CHRM3: variants seen among roughly 807,000 people sequenced by gnomAD.
The protein encoded by CHRM3 is muscarinic acetylcholine receptor M3.
In CHRM3, 11 loss-of-function variants were observed where a neutral mutation model predicts 41.8. The ratio of observed to expected loss-of-function variants is 0.26; its 90% CI spans 0.17 to 0.44. The LOEUF is 0.44. Among genes scored for constraint, CHRM3 ranks in the 20% least tolerant of loss-of-function variants. The probability of loss-of-function intolerance (pLI) is 1.00; values close to 1 mark genes in which losing one functional copy is unlikely to be tolerated. For synonymous variants in CHRM3, 297 were observed against 301.4 expected, an observed-to-expected ratio of 0.99 and a Z score of 0.15; for missense variants, 571 against 745.4, an observed-to-expected ratio of 0.77 and a Z score of 2.72.
chr1:239,842,166 G>A (rs902624804), intron 6 of CHRM3, among the ~76,000 whole-genome samples: 5 of 150,952 alleles, frequency 3.3e-5, no homozygotes, highest in Admixed American at 3.3e-4. Context: ...TCATATCATG[G>A]AATTATAAAA....
intron 4 of CHRM3, among the ~76,000 whole-genome samples, chr1:239,637,453 T>A (rs1174773364): frequency 6.6e-6 from 1 of 151,000 alleles, no homozygotes; most frequent in Admixed American, 6.6e-5. Flanking sequence ...AATTCCTTGA[T>A]CAAATGGTAC....
chr1:239,780,850 G>A (rs539238297), intron 5 of CHRM3, among the ~76,000 whole-genome samples: 10 of 152,020 alleles, frequency 6.6e-5, no homozygotes, highest in Admixed American at 4.6e-4. Flanking sequence ...TATAGATGTC[G>A]AGTCGTTCCA....
chr1:239,772,178 G>A (rs778238403), intron 5 of CHRM3, among the ~76,000 whole-genome samples: 1 of 151,950 alleles, frequency 6.6e-6, no homozygotes, highest in Non-Finnish European at 1.5e-5. Flanking sequence ...TGAGACGGAG[G>A]TTCACTCTGT....
intron 3 of CHRM3, among the ~76,000 whole-genome samples, chr1:239,605,797 A>G (rs1666171465): frequency 6.6e-6 from 1 of 152,202 alleles, no homozygotes; most frequent in South Asian, 2.1e-4. Flanking sequence ...TATGAGAACT[A>G]CTTGAGTGGT....
intron 1 of CHRM3, among the ~76,000 whole-genome samples, chr1:239,394,894 C>G (rs965949199): frequency 1.3e-5 from 2 of 152,142 alleles, no homozygotes; most frequent in Non-Finnish European, 2.9e-5. Context: ...TTAACCTTTT[C>G]AATTACACTC....
chr1:239,579,761 C>G (rs927411144), intron 3 of CHRM3, among the ~76,000 whole-genome samples: 7 of 152,186 alleles, frequency 4.6e-5, no homozygotes, highest in Non-Finnish European at 8.8e-5. Flanking sequence ...ATAGTACTCA[C>G]TGTATGGCAG....
intron 1 of CHRM3, among the ~76,000 whole-genome samples, chr1:239,472,982 T>C (rs1206341679): frequency 1.3e-5 from 2 of 152,110 alleles, no homozygotes; most frequent in Non-Finnish European, 2.9e-5. Context: ...TCAGTAATAG[T>C]CTCAGATAAA....
intron 6 of CHRM3, among the ~76,000 whole-genome samples, chr1:239,859,415 TG>T (rs1323516473): frequency 1.8e-4 from 20 of 112,926 alleles, no homozygotes; most frequent in South Asian, 5.6e-4. Flanking sequence ...TTGTTGTTGT[TG>T]TTGTTTTTTT....
At chr1:239,880,138 G>A (rs1019476438) in intron 6 of CHRM3, among the ~76,000 whole-genome samples, 6 of 152,336 alleles carry the variant, frequency 3.9e-5, no homozygotes, top group South Asian at 2.1e-4. Flanking sequence ...AAGGCAATCC[G>A]AGGCATAGAG....
chr1:239,413,109 T>A, intron 1 of CHRM3, among the ~76,000 whole-genome samples: 1 of 106,994 alleles, frequency 9.3e-6, no homozygotes, highest in Non-Finnish European at 2.0e-5. Context: ...AAAAAAAAGA[T>A]AAATCAGAGC....
chr1:239,476,730 C>G (rs1291427616), intron 1 of CHRM3, among the ~76,000 whole-genome samples: 1 of 152,162 alleles, frequency 6.6e-6, no homozygotes, highest in East Asian at 1.9e-4. Flanking sequence ...AAAATAGCCT[C>G]TATCTAAAAG....
intron 3 of CHRM3, among the ~76,000 whole-genome samples, chr1:239,564,199 G>A (rs957745341): frequency 9.9e-5 from 15 of 152,142 alleles, no homozygotes; most frequent in Non-Finnish European, 1.6e-4. Flanking sequence ...ACAGAGTGAT[G>A]AAAATTTTTA....
intron 4 of CHRM3, among the ~76,000 whole-genome samples, chr1:239,653,375 C>T (rs185165511): frequency 6.4e-4 from 97 of 152,164 alleles, no homozygotes; most frequent in Admixed American, 1.8e-3. Context: ...CTGAATAAAC[C>T]GACTTAGCAG....
At chr1:239,782,605 G>T (rs1216335092) in intron 5 of CHRM3, among the ~76,000 whole-genome samples, 2 of 151,888 alleles carry the variant, frequency 1.3e-5, no homozygotes, top group East Asian at 3.9e-4. Flanking sequence ...TGTAGAAATC[G>T]GTTTCATTGA....
At chr1:239,417,579 G>GTTTTT (rs34926014) in intron 1 of CHRM3, among the ~76,000 whole-genome samples, 1 of 122,660 alleles carries the variant, frequency 8.2e-6, no homozygotes, top group Non-Finnish European at 1.7e-5. Flanking sequence ...AGATTAATTT[G>GTTTTT]TTTTTTTTTT....
chr1:239,606,562 T>C (rs1235582710), intron 3 of CHRM3, among the ~76,000 whole-genome samples: 3 of 152,160 alleles, frequency 2.0e-5, no homozygotes, highest in Non-Finnish European at 2.9e-5. Context: ...GCGTGAGCCA[T>C]CGCGCCTGAC....
chr1:239,479,880 G>A (rs1666716624), intron 1 of CHRM3, among the ~76,000 whole-genome samples: 1 of 152,132 alleles, frequency 6.6e-6, no homozygotes, highest in Non-Finnish European at 1.5e-5. Context: ...GAAGGCTTAG[G>A]ACATTACTGT....
At chr1:239,411,649 C>T (rs1040926547) in intron 1 of CHRM3, among the ~76,000 whole-genome samples, 2 of 132,740 alleles carry the variant, frequency 1.5e-5, no homozygotes, top group Non-Finnish European at 3.1e-5. Flanking sequence ...CGCTTGAACC[C>T]GGGAGGCAGA....
chr1:239,609,021 A>G (rs1458587014), intron 3 of CHRM3, among the ~76,000 whole-genome samples: 1 of 152,226 alleles, frequency 6.6e-6, no homozygotes, highest in Non-Finnish European at 1.5e-5. Context: ...AAAGTGTACA[A>G]TTTGAAGTTT....
Sources: gnomAD v4.1 joint callset for allele counts (sites outside exome capture counted in the v4.1 genomes callset) on GRCh38, gnomAD v4.1.1 for gene constraint, MANE v1.5 for transcripts, NCBI Gene and HGNC (gene_info 2026-07-23, HGNC 2026-07-21) for gene names.